The following R3HDM1 variants were observed in gnomAD, a reference collection of about 807,000 sequenced individuals.
The protein encoded by R3HDM1 is R3H domain containing 1.
R3HDM1 carries 46 observed loss-of-function variants against 141.1 expected under a neutral mutation model. The ratio of observed to expected loss-of-function variants is 0.33; its 90% CI spans 0.26 to 0.42. The LOEUF is 0.42. R3HDM1 is among the 10% of genes least tolerant of loss of function. The pLI, the probability that R3HDM1 is intolerant of heterozygous loss-of-function variation, is 1.00. For missense variants in R3HDM1, 1,184 were observed against 1,368.3 expected, an observed-to-expected ratio of 0.87 and a Z score of 2.12; for synonymous variants, 435 against 472.9, an observed-to-expected ratio of 0.92 and a Z score of 1.04.
At chr2:135,540,504 T>C (rs559199788) in intron 1 of R3HDM1, among the ~76,000 whole-genome samples, 52 of 152,230 alleles carry the variant, frequency 3.4e-4, no homozygotes, top group Non-Finnish European at 7.2e-4. Context: ...TAGCTTATTG[T>C]AACCTTGAAC....
intron 1 of R3HDM1, among the ~76,000 whole-genome samples, chr2:135,556,689 T>C (rs1157142564): frequency 1.3e-5 from 2 of 152,046 alleles, no homozygotes; most frequent in Non-Finnish European, 2.9e-5. Context: ...CGGCTAATTT[T>C]TTGTATTTTT....
intron 19 of R3HDM1, among the ~76,000 whole-genome samples, chr2:135,672,486 A>G (rs1276163452): frequency 6.6e-6 from 1 of 152,152 alleles, no homozygotes. Context: ...ACCTTTATAA[A>G]TATCAGTCAG....
At chr2:135,701,894 A>G (rs556724778) in intron 21 of R3HDM1, among the ~76,000 whole-genome samples, 2 of 152,302 alleles carry the variant, frequency 1.3e-5, no homozygotes, top group South Asian at 4.1e-4. Context: ...TCATTCTGCC[A>G]TGTGCTTATT....
At chr2:135,586,933 T>A in intron 1 of R3HDM1, 1 of 985,068 alleles carries the variant, frequency 1.0e-6, no homozygotes. Context: ...ACAAATACAA[T>A]GTGAATGAGA....
At chr2:135,696,080 ACC>A in intron 21 of R3HDM1, among the ~76,000 whole-genome samples, 1 of 152,218 alleles carries the variant, frequency 6.6e-6, no homozygotes, top group Non-Finnish European at 1.5e-5. Context: ...ACTAGAAGAA[ACC>A]CAAATGTCCA....
Position 135,709,509 on chromosome 2 carries a change from C to T in R3HDM1, c.2536C>T (p.Gln846Ter). 1 of 1,614,100 alleles carries T rather than the reference C, an allele frequency of 6.2e-7. No homozygotes were observed. Among genetic ancestry groups the T allele is most frequent in the Admixed American group, 1.7e-5 (1 of 60,010 alleles). The change falls in exon 22 of 27, where the codon CAG becomes TAG. Residue 846 changes from glutamine to a stop codon, truncating the protein, a stop_gained. Coordinates refer to ENST00000683871, the MANE Select transcript of R3HDM1 (RefSeq NM_001378107.1). LOFTEE classifies it high-confidence loss of function. The part of the protein sequence containing the change: ...FPRTTSPCSS[Q>*]QLQGHQCTAG... ...TCGAACCACTTCACCATGCAGTTCC[C>T]AGCAGCTTCAAGGCCACCAATGTAC...
At chr2:135,680,138 A>G in intron 20 of R3HDM1, 35 bp from the exon 21 acceptor site, 1 of 1,598,338 alleles carries the variant, frequency 6.3e-7, no homozygotes, top group Non-Finnish European at 8.5e-7. Flanking sequence ...CTTGAAAAAA[A>G]CCTTTTTCTC....
intron 1 of R3HDM1, among the ~76,000 whole-genome samples, chr2:135,544,116 T>C (rs550046393): frequency 6.6e-6 from 1 of 152,372 alleles, no homozygotes; most frequent in Non-Finnish European, 1.5e-5. Context: ...GTAAATGTTT[T>C]GGTATGTGGA....
chr2:135,665,441 A>G lies in R3HDM1; in HGVS notation c.2152+4048A>G, dbSNP rs1369734350. On this transcript the variant is annotated intron_variant, in intron 19 of 26. Transcript: ENST00000683871. ...CCGTAGCACTGTCTGAGAGGTTTACATTTCTCACAGTGAACCGGTCTCTTT... is the reference window on the plus strand; with the variant it reads ...CCGTAGCACTGTCTGAGAGGTTTACGTTTCTCACAGTGAACCGGTCTCTTT... The G allele has an allele frequency of 1.3e-5, 7 of 533,392 alleles. No homozygotes were observed. The African/African-American group carries it at 1.3e-4, about 10-fold the overall frequency. The allele number at this position is 533,392 out of a possible 1,614,324, so 33.0% of individuals were successfully genotyped here.
chr2:135,693,484 G>A (rs1039354978), intron 21 of R3HDM1, among the ~76,000 whole-genome samples: 13 of 152,216 alleles, frequency 8.5e-5, no homozygotes, highest in Non-Finnish European at 1.6e-4. Flanking sequence ...AGGGGGTGAG[G>A]AAGGAAGAGA....
intron 16 of R3HDM1, among the ~76,000 whole-genome samples, chr2:135,648,370 GACAA>G (rs1454386972): frequency 6.6e-6 from 1 of 152,072 alleles, no homozygotes; most frequent in African/African-American, 2.4e-5. Flanking sequence ...TGATGTCATA[GACAA>G]ACAATGTCTA....
intron 24 of R3HDM1, chr2:135,721,493 A>T (rs1195388189): frequency 6.0e-6 from 1 of 167,150 alleles, no homozygotes; most frequent in Non-Finnish European, 1.3e-5. Context: ...GAAAAATGTC[A>T]GTTATCTATA....
intron 19 of R3HDM1, chr2:135,667,831 C>T (rs1478635661): frequency 1.8e-5 from 16 of 871,412 alleles, no homozygotes; most frequent in South Asian, 5.3e-5. Context: ...GAACTCTGTA[C>T]CCACTCTTGC....
intron 20 of R3HDM1, among the ~76,000 whole-genome samples, chr2:135,677,029 C>A (rs547288479): frequency 6.6e-6 from 1 of 152,196 alleles, no homozygotes; most frequent in South Asian, 2.1e-4. Context: ...TGATTTGAAG[C>A]CTTCTGGGAA....
intron 20 of R3HDM1, among the ~76,000 whole-genome samples, chr2:135,677,837 C>T (rs2105347699): frequency 6.6e-6 from 1 of 152,252 alleles, no homozygotes; most frequent in East Asian, 1.9e-4. Flanking sequence ...TGTCCTACAC[C>T]TCCTGAGTCA....
chr2:135,569,461 C>T (rs1023812206), intron 1 of R3HDM1, among the ~76,000 whole-genome samples: 3 of 150,724 alleles, frequency 2.0e-5, no homozygotes, highest in African/African-American at 7.3e-5. Flanking sequence ...CCAGCCTGGG[C>T]AACAAAATGA....
At chr2:135,547,767 C>CTTTTTTTTTTTTTTTTTTTTTTTTTTT (rs56950620) in intron 1 of R3HDM1, among the ~76,000 whole-genome samples, 1 of 107,372 alleles carries the variant, frequency 9.3e-6, no homozygotes, top group African/African-American at 4.0e-5. Context: ...TTTTTCTTTT[C>CTTTTTTTTTTTTTTTTTTTTTTTTTTT]TTTTTTTTTT....
At chr2:135,638,697 G>A in intron 12 of R3HDM1, 42 bp downstream of exon 12, 2 of 1,612,044 alleles carry the variant, frequency 1.2e-6, no homozygotes, top group East Asian at 2.2e-5. Flanking sequence ...TTGTCTGACT[G>A]ATGCTAATAA....
At chr2:135,676,730 G>C (rs935122593) in intron 20 of R3HDM1, among the ~76,000 whole-genome samples, 5 of 152,166 alleles carry the variant, frequency 3.3e-5, no homozygotes, top group African/African-American at 9.7e-5. Flanking sequence ...AGAATCACTT[G>C]AACCCGGGAG....
Sources: gnomAD v4.1 joint callset for allele counts (sites outside exome capture counted in the v4.1 genomes callset) on GRCh38, gnomAD v4.1.1 for gene constraint, MANE v1.5 for transcripts, NCBI Gene and HGNC (gene_info 2026-07-23, HGNC 2026-07-21) for gene names.